KRABD2: variants seen among roughly 807,000 people sequenced by gnomAD.
KRABD2 encodes the protein KRAB domain containing 2, also known as KRAB domain-containing protein 2.
At chr17:8,370,357 G>T in the KRABD2 span, 1 of 1,592,174 alleles carries the variant, frequency 6.3e-7, no homozygotes, top group Non-Finnish European at 8.5e-7. Flanking sequence ...CCAGCTCTCT[G>T]AGGCATCATG....
chr17:8,375,418 C>G, the KRABD2 span, among the ~76,000 whole-genome samples: 1 of 152,240 alleles, frequency 6.6e-6, no homozygotes, highest in Non-Finnish European at 1.5e-5. Flanking sequence ...TTGGATCAAG[C>G]TTGTCCAACC....
At chr17:8,370,159 ACTT>A in the KRABD2 span, 12 of 1,613,572 alleles carry the variant, frequency 7.4e-6, no homozygotes, top group Non-Finnish European at 5.9e-6. Context: ...TCACGTGATG[ACTT>A]CTTCCCTTTT....
the KRABD2 span, chr17:8,359,590 G>A: frequency 6.6e-6 from 3 of 455,970 alleles, no homozygotes; most frequent in Admixed American, 7.0e-5. Context: ...CTAGAGAAGG[G>A]GGTAGGTAAG....
the KRABD2 span, chr17:8,369,391 A>G: frequency 6.2e-7 from 1 of 1,614,242 alleles, no homozygotes; most frequent in African/African-American, 1.3e-5. Flanking sequence ...ATTGCCTCAA[A>G]TGGACTTTGC....
the KRABD2 span, chr17:8,371,328 A>T: frequency 6.2e-7 from 1 of 1,612,814 alleles, no homozygotes; most frequent in South Asian, 1.1e-5. Context: ...CCGTGTTCTC[A>T]TAACTGTCCA....
the KRABD2 span, chr17:8,371,696 G>A: frequency 1.2e-5 from 17 of 1,387,940 alleles, no homozygotes; most frequent in Non-Finnish European, 1.6e-5. Flanking sequence ...TGCCAGAGCT[G>A]TAGCCCATTT....
the KRABD2 span, chr17:8,371,878 C>T: frequency 9.9e-7 from 1 of 1,010,576 alleles, no homozygotes; most frequent in Non-Finnish European, 1.2e-6. Context: ...GTCTACCTGC[C>T]ACTGTGATCA....
At chr17:8,374,086 AG>A in the KRABD2 span, among the ~76,000 whole-genome samples, 1 of 151,914 alleles carries the variant, frequency 6.6e-6, no homozygotes, top group Non-Finnish European at 1.5e-5. Context: ...CTGGGAAGTG[AG>A]GGGCCCCTCT....
chr17:8,374,628 T>TAAAAAAA, the KRABD2 span, among the ~76,000 whole-genome samples: 17 of 71,400 alleles, frequency 2.4e-4, no homozygotes, highest in East Asian at 4.3e-4. Context: ...CAATAAATAC[T>TAAAAAAA]AAAAAAAAAA....
At chr17:8,370,506 A>G in the KRABD2 span, 22 of 695,952 alleles carry the variant, frequency 3.2e-5, no homozygotes, top group South Asian at 4.6e-4. Context: ...TATATGGAAG[A>G]ATGATAATAG....
the KRABD2 span, among the ~76,000 whole-genome samples, chr17:8,366,195 G>A: frequency 1.3e-5 from 2 of 152,104 alleles, no homozygotes; most frequent in East Asian, 3.9e-4. Context: ...GCCCATTTCT[G>A]TAGAATCATT....
the KRABD2 span, among the ~76,000 whole-genome samples, chr17:8,370,972 C>T: frequency 0.011 from 1,645 of 152,226 alleles, 32 homozygotes; most frequent in African/African-American, 0.037. Context: ...AGTTCAAGAA[C>T]AGCCTGGCCA....
chr17:8,372,001 G>A, the KRABD2 span: 1 of 985,636 alleles, frequency 1.0e-6, no homozygotes, highest in Non-Finnish European at 1.2e-6. This position sits in a 1 kb window ranked among gnomAD's most constrained non-coding sequence, Gnocchi z 4.1. Flanking sequence ...CATGAGGACT[G>A]CAGGAATTCC....
the KRABD2 span, chr17:8,369,334 G>C: frequency 6.2e-7 from 1 of 1,614,170 alleles, no homozygotes; most frequent in East Asian, 2.2e-5. Context: ...ACAGTTTCCC[G>C]GGGCAAGTTT....
At chr17:8,373,990 A>G in the KRABD2 span, among the ~76,000 whole-genome samples, 1 of 150,462 alleles carries the variant, frequency 6.6e-6, no homozygotes, top group Non-Finnish European at 1.5e-5. Context: ...CGCCCCATCC[A>G]GGAGGTGGGG....
At chr17:8,363,840 T>TATATATATATA in the KRABD2 span, among the ~76,000 whole-genome samples, 1 of 75,230 alleles carries the variant, frequency 1.3e-5, no homozygotes, top group African/African-American at 5.7e-5. Flanking sequence ...CATATATATA[T>TATATATATATA]ATATATATAT....
chr17:8,376,305 C>T, the KRABD2 span: 9 of 1,225,080 alleles, frequency 7.3e-6, no homozygotes, highest in African/African-American at 1.6e-5. Flanking sequence ...CATTTACTGA[C>T]TAAAGCAAAG....
At chr17:8,363,859 A>ATATATT in the KRABD2 span, among the ~76,000 whole-genome samples, 69 of 74,954 alleles carry the variant, frequency 9.2e-4, no homozygotes, top group South Asian at 8.1e-3. Context: ...ATATATATAT[A>ATATATT]TATTTATTTA....
chr17:8,376,657 G>A, the KRABD2 span: 2 of 985,216 alleles, frequency 2.0e-6, no homozygotes, highest in Non-Finnish European at 2.4e-6. Flanking sequence ...CACACCAGAC[G>A]CGGCGTCTGA....
Sources: allele counts gnomAD v4.1 joint callset (sites outside exome capture counted in the v4.1 genomes callset), GRCh38; gene constraint gnomAD v4.1.1; non-coding constraint Gnocchi (gnomAD v3.1); transcripts MANE v1.5; gene names NCBI Gene and HGNC (gene_info 2026-07-23, HGNC 2026-07-21).